Variants in MUC12 observed in about 807,000 individuals in gnomAD.
MUC12 encodes mucin-12.
Under a neutral mutation model 230.8 loss-of-function variants are expected in MUC12, and 172 were observed. The observed-to-expected ratio is 0.75, with a 90% CI of 0.66 to 0.85. MUC12 has a LOEUF of 0.85. Among genes scored for constraint, MUC12 ranks in the 40% least tolerant of loss-of-function variants. The pLI, the probability that MUC12 is intolerant of heterozygous loss-of-function variation, is 0.00. For synonymous variants in MUC12, 1,259 were observed against 2,401.9 expected (o/e 0.52, Z 13.91); for missense variants, 3,506 against 5,920.6 (o/e 0.59, Z 13.38).
chr7:100,990,748 C>A lies in MUC12; in HGVS notation c.185C>A (p.Ser62Ter), dbSNP rs555589369. The A allele has an allele frequency of 6.5e-7, 1 of 1,537,754 alleles. No individual in the cohort carries two copies. Residue 62 changes from serine to a stop codon, truncating the protein, a stop_gained, in exon 2 of 12, where the codon TCA becomes TAA. Coordinates refer to ENST00000536621, the MANE Select transcript of MUC12 (RefSeq NM_001164462.2). LOFTEE classifies it high-confidence loss of function. ...YGVSVTFITGSTATKHFLDSS... is the reference protein window; with the variant it reads ...YGVSVTFITG ...GTGTCAGTCACATTTATCACGGGCT[C>A]AACTGCAACAAAACACTTCCTTGAC...
At chr7:101,013,198 C>G (rs1404165581) in intron 8 of MUC12, 56 bp downstream of exon 8, 10 of 1,523,922 alleles carry the variant, frequency 6.6e-6, no homozygotes, top group African/African-American at 4.1e-5. Flanking sequence ...GGCCCTCCCC[C>G]TCCCCAGCAG....
intron 8 of MUC12, among the ~76,000 whole-genome samples, chr7:101,013,480 T>A (rs1268572883): frequency 6.6e-6 from 1 of 152,202 alleles, no homozygotes; most frequent in Non-Finnish European, 1.5e-5. Context: ...TCTATATCTG[T>A]CTATATTGTT....
In MUC12 at chr7:101,004,937, C is replaced by G. The variant is rs1331099296; in HGVS notation, c.14374C>G (p.Gln4792Glu). The G allele has an allele frequency of 3.3e-6, 5 of 1,537,764 alleles. No individual in the cohort carries two copies. Among genetic ancestry groups the G allele is most frequent in the Admixed American group, 2.0e-5 (1 of 50,994 alleles). Residue 4792 changes from glutamine (Q) to glutamate (E), a missense_variant, in exon 2 of 12, where the codon CAG becomes GAG. Transcript: ENST00000536621. The stretch of plus-strand genomic sequence containing the variant: ...CAGCACCACCACCTCAGGCCTCAGT[C>G]AGGAATCAACAACTTTCCACAGTAA... ...PASTTTSGLS[Q>E]ESTTFHSKPG...
chr7:100,990,941 C>G lies in MUC12; in HGVS notation c.378C>G (p.Gly126=). 1 of 1,537,924 alleles carries G rather than the reference C, an allele frequency of 6.5e-7. No homozygotes were observed. The highest frequency in any genetic ancestry group is 8.7e-7 in the Non-Finnish European group (1 of 1,147,068). ...CAATGGAAACAACAGCGTTACCTGGCAGTACCACAACAGCAGGCCTGAGTG... is the reference window on the plus strand; with the variant it reads ...CAATGGAAACAACAGCGTTACCTGGGAGTACCACAACAGCAGGCCTGAGTG... ...SASMETTALP[G]STTTAGLSEK... Residue 126 remains glycine (G), a synonymous_variant, in exon 2 of 12, where the codon GGC becomes GGG. Coordinates refer to ENST00000536621, the MANE Select transcript of MUC12 (RefSeq NM_001164462.2).
intron 10 of MUC12, among the ~76,000 whole-genome samples, chr7:101,016,132 T>G (rs1308285460): frequency 6.6e-6 from 1 of 151,590 alleles, no homozygotes; most frequent in Non-Finnish European, 1.5e-5. Flanking sequence ...CTTATCCCAG[T>G]GAGGACAAGG....
chr7:101,005,779 C>T (rs912668723), intron 2 of MUC12, among the ~76,000 whole-genome samples: 13 of 145,266 alleles, frequency 8.9e-5, no homozygotes, highest in African/African-American at 3.4e-4. Flanking sequence ...TTTCATCCTT[C>T]CATGAACCCC....
At chr7:100,971,135 A>G (rs1240958022) in intron 1 of MUC12, among the ~76,000 whole-genome samples, 4 of 118,464 alleles carry the variant, frequency 3.4e-5, no homozygotes, top group Non-Finnish European at 7.3e-5. Context: ...CAGCCTGGCA[A>G]CAGAGCGAGA....
intron 5 of MUC12, among the ~76,000 whole-genome samples, chr7:101,011,805 T>C (rs1793842839): frequency 6.6e-6 from 1 of 150,734 alleles, no homozygotes; most frequent in Non-Finnish European, 1.5e-5. Context: ...GGACCCTTGG[T>C]TTGCTTCCAC....
At chr7:100,981,969 C>T (rs868477866) in intron 1 of MUC12, among the ~76,000 whole-genome samples, 8 of 150,666 alleles carry the variant, frequency 5.3e-5, no homozygotes, top group Admixed American at 1.3e-4. Context: ...CGGGTTCAAG[C>T]GATTCTCCTG....
At position 101,005,167 on chromosome 7, in the gene MUC12, C is replaced by A. The variant is rs1354770765; in HGVS notation, c.14604C>A (p.Ser4868Arg). The A allele has an allele frequency of 6.5e-7, 1 of 1,537,798 alleles. No individual in the cohort carries two copies. Among genetic ancestry groups the A allele is most frequent in the Middle Eastern group, 1.7e-4 (1 of 5,994 alleles). The change falls in exon 2 of 12, where the codon AGC becomes AGA. Residue 4868 changes from serine to arginine, a missense_variant. Transcript: ENST00000536621. ...GSTETTAFSH[S>R]NTMSIHSQQS... ...CTGAAACCACAGCGTTTTCTCACAG[C>A]AACACAATGTCCATTCATAGTCAAC...
chr7:100,972,185 G>T, intron 1 of MUC12: 2 of 703,266 alleles, frequency 2.8e-6, no homozygotes, highest in Non-Finnish European at 5.2e-6. Flanking sequence ...GGAGATCTGT[G>T]TAAGGAAGTC....
rs182152882 is a variant in MUC12, at chr7:101,010,930, G to A, written c.15252-1366G>A. Among the ~76,000 whole-genome samples the A allele has an allele frequency of 3.1e-3, 474 of 151,982 alleles. 2 individuals are homozygous for A. The highest frequency in any genetic ancestry group is 0.011 in the African/African-American group (447 of 41,444). ...CTCCCAAATTGCTGGGATTACAAGC[G>A]TAAGCCACCACACCCAGCCTCTAAA... On this transcript the variant is annotated intron_variant, in intron 5 of 11. Transcript: ENST00000536621.
chr7:100,970,177 G>A (rs1217218365), intron 1 of MUC12, among the ~76,000 whole-genome samples: 1 of 152,422 alleles, frequency 6.6e-6, no homozygotes, highest in Non-Finnish European at 1.5e-5. Flanking sequence ...TGCACCCGGG[G>A]AATCCCCACC....
intron 5 of MUC12, among the ~76,000 whole-genome samples, chr7:101,010,133 G>A (rs1185922015): frequency 1.3e-5 from 2 of 152,152 alleles, no homozygotes; most frequent in African/African-American, 4.8e-5. Context: ...CAGGAGAGGA[G>A]GGAGGGAAGA....
Position 100,991,957 on chromosome 7 carries a change from C to G in MUC12, c.1394C>G (p.Ser465Trp), listed in dbSNP as rs12533349. ...ACACCCTCAGTTCTTGTTGGAGACT[C>G]GACGCCCTCACCCATCAGTTCAGGC... Reference protein sequence around the residue: ...GSTPSVLVGDSTPSPISSGSM... With the variant: ...GSTPSVLVGDWTPSPISSGSM... The change falls in exon 2 of 12, where the codon TCG (serine) becomes TGG (tryptophan). Residue 465 changes from serine (S) to tryptophan (W), a missense_variant. Physicochemically the swap from Ser to Trp is radical, Grantham distance 177 (BLOSUM62 -3). Transcript: ENST00000536621. 1 of 1,537,952 alleles carries G rather than the reference C, an allele frequency of 6.5e-7. No homozygotes were observed. Among genetic ancestry groups the G allele is most frequent in the South Asian group, 1.2e-5 (1 of 84,068 alleles).
intron 10 of MUC12, 191 bp from the exon 11 acceptor site, chr7:101,017,384 G>A: frequency 1.8e-6 from 1 of 552,274 alleles, no homozygotes; most frequent in East Asian, 3.0e-5. Flanking sequence ...GGGGTCCAGC[G>A]GGCGGCTCCC....
intron 10 of MUC12, among the ~76,000 whole-genome samples, chr7:101,016,697 G>T (rs1427149107): frequency 7.0e-6 from 1 of 143,082 alleles, no homozygotes; most frequent in Non-Finnish European, 1.5e-5. Flanking sequence ...AGGCTGAGGG[G>T]GTGGGGGGAG....
chr7:100,991,656 C>T lies in MUC12; in HGVS notation c.1093C>T (p.Pro365Ser), dbSNP rs1422783863. 1.4e-5 allele frequency: 22 copies of T among 1,537,114 alleles called. No homozygotes were observed. The highest frequency in any genetic ancestry group is 1.9e-5 in the Non-Finnish European group (22 of 1,146,492). The change falls in exon 2 of 12, where the codon CCG becomes TCG. Residue 365 changes from proline to serine, a missense_variant. Pro to Ser is a moderately conservative substitution (Grantham distance 74, BLOSUM62 -1). Transcript: ENST00000536621. Reference protein sequence around the residue: ...VEESTAYHRSPGSTQTMHFPE... With the variant: ...VEESTAYHRSSGSTQTMHFPE... ...AGAATCTACAGCCTACCACAGGAGC[C>T]CGGGCTCAACTCAAACAATGCACTT... is the stretch of plus-strand genomic sequence containing the variant.
rs1158903568 is a variant in MUC12 at position 100,990,766 on chromosome 7, T to A, written c.203T>A (p.Phe68Tyr). 6.5e-7 allele frequency: 1 copy of A among 1,537,644 alleles called. No individual in the cohort carries two copies. Among genetic ancestry groups the A allele is most frequent in the African/African-American group, 1.4e-5 (1 of 72,988 alleles). ...FITGSTATKHFLDSSTNSGHS... is the reference protein window; with the variant it reads ...FITGSTATKHYLDSSTNSGHS... ...ACGGGCTCAACTGCAACAAAACACT[T>A]CCTTGACAGCTCCACAAACTCAGGC... Residue 68 changes from phenylalanine (F) to tyrosine (Y), a missense_variant, in exon 2 of 12, where the codon TTC becomes TAC. Transcript: ENST00000536621.
Sources: allele counts gnomAD v4.1 joint callset (sites outside exome capture counted in the v4.1 genomes callset), GRCh38; gene constraint gnomAD v4.1.1; transcripts MANE v1.5; gene names NCBI Gene and HGNC (gene_info 2026-07-23, HGNC 2026-07-21).